Variants in UCMA observed in about 807,000 individuals in gnomAD.
UCMA encodes upper zone of growth plate and cartilage matrix associated.
UCMA carries 21 observed loss-of-function variants against 21.8 expected under a neutral mutation model. The observed-to-expected ratio is 0.97, with a 90% CI of 0.68 to 1.39. UCMA has a LOEUF of 1.39. Ranked by LOEUF, UCMA falls within the 40% of genes most tolerant of loss-of-function variation. The pLI, the probability that UCMA is intolerant of heterozygous loss-of-function variation, is 0.00. For missense variants in UCMA, 193 were observed against 178.9 expected (o/e 1.08, Z -0.45); for synonymous variants, 76 against 67.9 (o/e 1.12, Z -0.58).
chr10:13,231,485 C>T lies in UCMA; in HGVS notation c.221-1776G>A, dbSNP rs113797137. Among the ~76,000 whole-genome samples the T allele has an allele frequency of 5.5e-3, 834 of 152,286 alleles. 4 individuals are homozygous for T. Among genetic ancestry groups the T allele is most frequent in the Middle Eastern group, 0.017 (5 of 294 alleles). On this transcript the variant is annotated intron_variant, in intron 3 of 4. Transcript: ENST00000378681. ...CCACCCACTGTGGGTCCTGATGTTG[C>T]TCCAAGCGCCAGAAAGCCGTTGTGG...
At position 13,234,330 on chromosome 10, in the gene UCMA, C is replaced by T. The variant is rs1381656749; in HGVS notation, c.-72G>A. 2 of 1,540,780 alleles carry T rather than the reference C, an allele frequency of 1.3e-6. No individual in the cohort carries two copies. The highest frequency in any genetic ancestry group is 1.8e-6 in the Non-Finnish European group (2 of 1,131,612). Reference sequence around the variant, plus strand: ...GCGTCCTGCACCCTTTGGGTCCCCACTTCTGAGGCAGGCAGCCCAGGCGAG... The same window carrying T: ...GCGTCCTGCACCCTTTGGGTCCCCATTTCTGAGGCAGGCAGCCCAGGCGAG... On this transcript the variant is annotated 5_prime_UTR_variant, in exon 1 of 5. The change creates a new upstream start codon in the 5' untranslated region. Coordinates refer to ENST00000378681, the MANE Select transcript of UCMA (RefSeq NM_145314.3).
chr10:13,233,196 T>A (rs972652723), intron 3 of UCMA, among the ~76,000 whole-genome samples: 2 of 152,092 alleles, frequency 1.3e-5, no homozygotes, highest in African/African-American at 4.8e-5. Context: ...AATATAGATT[T>A]CCCTCCCTAC....
intron 4 of UCMA, 151 bp from the exon 5 acceptor site, chr10:13,222,351 TC>T: frequency 1.5e-6 from 1 of 688,664 alleles, no homozygotes; most frequent in Non-Finnish European, 2.4e-6. Flanking sequence ...CTGGTGAGGA[TC>T]CAGAGTATGT....
Position 13,222,018 on chromosome 10 carries a change from C to T in UCMA, c.*85G>A. 1.4e-6 allele frequency: 2 copies of T among 1,457,176 alleles called. No homozygotes were observed. Among genetic ancestry groups the T allele is most frequent in the South Asian group, 2.4e-5 (2 of 84,560 alleles). 90.3% of individuals were successfully genotyped at this position (1,457,176 alleles called of 1,614,324 possible). A position where few individuals can be genotyped will look rare whatever the true frequency, so the allele number is the denominator to read the frequency against. On this transcript the variant is annotated 3_prime_UTR_variant, in exon 5 of 5. Coordinates refer to ENST00000378681, the MANE Select transcript of UCMA (RefSeq NM_145314.3). ...CCCCAAGCTGAGACCCTCTGAAGGG[C>T]CGGTTTGCATGGGAAAGATTGCTGG...
At chr10:13,230,422 G>A (rs975573827) in intron 3 of UCMA, among the ~76,000 whole-genome samples, 6 of 152,250 alleles carry the variant, frequency 3.9e-5, no homozygotes, top group South Asian at 2.1e-4. Context: ...AAAAATTCCC[G>A]GTTGTCTGGA....
Position 13,234,356 on chromosome 10 carries a change from AGG to A in UCMA, c.-100_-99del. 2.4e-6 allele frequency: 3 copies of A among 1,266,466 alleles called. No individual in the cohort carries two copies. The Admixed American group carries it at 6.7e-5, about 28-fold the overall frequency. 78.5% of individuals were successfully genotyped at this position (1,266,466 alleles called of 1,614,324 possible). On this transcript the variant is annotated 5_prime_UTR_variant, in exon 1 of 5. Coordinates refer to ENST00000378681, the MANE Select transcript of UCMA (RefSeq NM_145314.3). ...TTCTGAGGCAGGCAGCCCAGGCGAG[AGG>A]AAGGAAGGCGGGGGAGGGAAGAGAG...
chr10:13,233,980 G>C (rs1834935869), intron 1 of UCMA, among the ~76,000 whole-genome samples, 180 bp from the exon 2 acceptor site: 1 of 151,704 alleles, frequency 6.6e-6, no homozygotes, highest in African/African-American at 2.4e-5. Context: ...AAGCTGGCTT[G>C]GGTTTTTTTT....
At chr10:13,226,374 T>C (rs963934653) in intron 4 of UCMA, among the ~76,000 whole-genome samples, 2 of 151,878 alleles carry the variant, frequency 1.3e-5, no homozygotes, top group African/African-American at 4.8e-5. Flanking sequence ...TCATTTTCTA[T>C]GTTGCTCAGG....
intron 4 of UCMA, among the ~76,000 whole-genome samples, chr10:13,224,454 C>A (rs1834799206): frequency 6.6e-6 from 1 of 151,988 alleles, no homozygotes; most frequent in South Asian, 2.1e-4. Flanking sequence ...GTTTAAATGG[C>A]AAGTTTTATG....
At chr10:13,223,470 A>G (rs1469157121) in intron 4 of UCMA, among the ~76,000 whole-genome samples, 1 of 152,206 alleles carries the variant, frequency 6.6e-6, no homozygotes, top group Non-Finnish European at 1.5e-5. Flanking sequence ...GACAAACCTT[A>G]AAAATATTCT....
At chr10:13,222,858 G>T (rs538887546) in intron 4 of UCMA, among the ~76,000 whole-genome samples, 2 of 151,772 alleles carry the variant, frequency 1.3e-5, no homozygotes, top group Admixed American at 1.3e-4. Flanking sequence ...TTATGGAGGT[G>T]GAATTTCAGT....
intron 4 of UCMA, among the ~76,000 whole-genome samples, 199 bp downstream of exon 4, chr10:13,229,412 A>G (rs1834868029): frequency 6.6e-6 from 1 of 152,018 alleles, no homozygotes; most frequent in Non-Finnish European, 1.5e-5. Context: ...AGGTTGAGGC[A>G]GGAGAATCGC....
chr10:13,223,769 C>G (rs1834789197), intron 4 of UCMA, among the ~76,000 whole-genome samples: 1 of 151,932 alleles, frequency 6.6e-6, no homozygotes, highest in Non-Finnish European at 1.5e-5. Flanking sequence ...CCAGACTGGT[C>G]TTGAACTCCT....
intron 4 of UCMA, among the ~76,000 whole-genome samples, chr10:13,227,247 C>T (rs1023168468): frequency 2.6e-5 from 4 of 152,156 alleles, no homozygotes; most frequent in Non-Finnish European, 4.4e-5. Flanking sequence ...AGATGCCTTC[C>T]GAGGGTGCTG....
chr10:13,233,542 G>A lies in UCMA; in HGVS notation c.216C>T (p.Val72=). The part of the protein sequence containing the change: ...GKRSPKSRDE[V]NVENRQKLRV... Reference sequence around the variant, plus strand: ...GGGTCCCTCCAGCATCCTTACCATTGACCTCATCTCTGGACTTGGGGGACC... The same window carrying A: ...GGGTCCCTCCAGCATCCTTACCATTAACCTCATCTCTGGACTTGGGGGACC... Residue 72 remains valine, a synonymous_variant, in exon 3 of 5, where the codon GTC becomes GTT. Coordinates refer to ENST00000378681, the MANE Select transcript of UCMA (RefSeq NM_145314.3). 3 of 1,613,800 alleles carry A rather than the reference G, an allele frequency of 1.9e-6. 1 individual carries two copies. The highest frequency in any genetic ancestry group is 2.5e-6 in the Non-Finnish European group (3 of 1,179,886).
rs1564403662 is a variant in UCMA at position 13,229,719 on chromosome 10, G to C, written c.221-10C>G. On this transcript the variant is annotated splice_polypyrimidine_tract_variant and intron_variant, in intron 3 of 4. Transcript: ENST00000378681. ...TTCTGCCTGTTTTCCACTGTGAAAG[G>C]AAAAGAAGCAAGAGTTGCCCCTCAA... The C allele has an allele frequency of 6.2e-7, 1 of 1,613,240 alleles. No homozygotes were observed. The highest frequency in any genetic ancestry group is 2.2e-5 in the East Asian group (1 of 44,856).
Position 13,233,844 on chromosome 10 carries a change from A to G in UCMA, c.59-44T>C, listed in dbSNP as rs200022171. On this transcript the variant is annotated intron_variant, in intron 1 of 4. Transcript: ENST00000378681. The stretch of plus-strand genomic sequence containing the variant: ...GAGTGAGGCTGCAGCATCAGAGGGG[A>G]GCCCAGACCCTGAGCTGAGTCCCCA... 3.1e-6 allele frequency: 5 copies of G among 1,610,346 alleles called. No homozygotes were observed. In the East Asian group the frequency reaches 1.1e-4, roughly 36 times the overall value.
At chr10:13,232,145 AG>A (rs5783317) in intron 3 of UCMA, among the ~76,000 whole-genome samples, 1 of 151,846 alleles carries the variant, frequency 6.6e-6, no homozygotes, top group Admixed American at 6.6e-5. Context: ...AGGCCGAGGC[AG>A]GGGGGTCACC....
At chr10:13,222,595 A>T (rs984355672) in intron 4 of UCMA, among the ~76,000 whole-genome samples, 6 of 152,310 alleles carry the variant, frequency 3.9e-5, no homozygotes, top group African/African-American at 1.4e-4. Flanking sequence ...AGGGACTACA[A>T]ACCATGCCTT....
Sources: gnomAD v4.1 joint callset for allele counts (sites outside exome capture counted in the v4.1 genomes callset) on GRCh38, gnomAD v4.1.1 for gene constraint, MANE v1.5 for transcripts, NCBI Gene and HGNC (gene_info 2026-07-23, HGNC 2026-07-21) for gene names.